Variants in SLC4A4 observed in about 807,000 individuals in gnomAD.
SLC4A4 encodes solute carrier family 4 member 4.
In SLC4A4, 27 loss-of-function variants were observed where a neutral mutation model predicts 111.5. The observed-to-expected ratio is 0.24, with a 90% CI of 0.18 to 0.33. The LOEUF (loss-of-function observed/expected upper bound fraction) is 0.33. Ranked by LOEUF, SLC4A4 falls within the 10% of genes least tolerant of loss-of-function variation. SLC4A4 has a pLI of 1.00. For missense variants in SLC4A4, 909 were observed against 1,315.5 expected (o/e 0.69, Z 4.78); for synonymous variants, 443 against 463.4 (o/e 0.96, Z 0.57).
At chr4:71,096,760 G>A (rs1315922195) in intron 2 of SLC4A4, among the ~76,000 whole-genome samples, 1 of 152,138 alleles carries the variant, frequency 6.6e-6, no homozygotes, top group Non-Finnish European at 1.5e-5. Context: ...AATGTTAAGT[G>A]TGGCTGAGAA....
chr4:71,447,383 T>A (rs568359153), intron 8 of SLC4A4, among the ~76,000 whole-genome samples: 2 of 152,352 alleles, frequency 1.3e-5, no homozygotes, highest in South Asian at 4.1e-4. Context: ...GCACTTGAAG[T>A]GCACCTTTCC....
At chr4:71,187,202 C>A (rs1745497070), upstream of SLC4A4, 1 of 152,048 alleles carries the variant, frequency 6.6e-6, no homozygotes, top group African/African-American at 2.4e-5. Context: ...GGCTCGGCCC[C>A]GCCGCGTCCC....
intron 7 of SLC4A4, among the ~76,000 whole-genome samples, chr4:71,416,741 C>T (rs190056899): frequency 6.6e-6 from 1 of 152,072 alleles, no homozygotes; most frequent in Non-Finnish European, 1.5e-5. Context: ...ATTATTGAAG[C>T]TCTTTGTGCC....
At chr4:71,522,414 G>A (rs1056011654) in intron 16 of SLC4A4, among the ~76,000 whole-genome samples, 6 of 152,204 alleles carry the variant, frequency 3.9e-5, no homozygotes, top group Non-Finnish European at 7.3e-5. Context: ...CTATGTGGTG[G>A]CAAATGAAAA....
chr4:71,088,315 G>T (rs1742257379), intron 1 of SLC4A4, among the ~76,000 whole-genome samples: 1 of 151,626 alleles, frequency 6.6e-6, no homozygotes, highest in Admixed American at 6.6e-5. Flanking sequence ...CCTGAGGTGG[G>T]TTTCCTGAAT....
chr4:71,093,369 T>C (rs1742441150), intron 2 of SLC4A4, among the ~76,000 whole-genome samples: 2 of 152,054 alleles, frequency 1.3e-5, no homozygotes, highest in Non-Finnish European at 2.9e-5. Context: ...GGTTTCACCA[T>C]GTTGGCCAGG....
Position 71,357,117 on chromosome 4 carries a change from C to T in SLC4A4, c.660C>T (p.Asn220=). Residue 220 remains asparagine (N), a synonymous_variant, in exon 6 of 26, where the codon AAC becomes AAT. Transcript: ENST00000264485. ...RKHRHQTKKS[N]LRSLADIGKT... Reference sequence around the variant, plus strand: ...ACCGGCATCAAACCAAGAAATCCAACCTTCGGTCCCTGGCTGACATTGGGA... The same window carrying T: ...ACCGGCATCAAACCAAGAAATCCAATCTTCGGTCCCTGGCTGACATTGGGA... 6.2e-7 allele frequency: 1 copy of T among 1,614,132 alleles called. No homozygotes were observed. Among genetic ancestry groups the T allele is most frequent in the Non-Finnish European group, 8.5e-7 (1 of 1,180,022 alleles).
At chr4:71,382,359 C>T (rs2148952478) in intron 6 of SLC4A4, among the ~76,000 whole-genome samples, 1 of 152,186 alleles carries the variant, frequency 6.6e-6, no homozygotes, top group East Asian at 1.9e-4. Context: ...CCAATGAGGG[C>T]CTTGTCATGA....
At chr4:71,266,682 T>C (rs1334285286) in intron 3 of SLC4A4, among the ~76,000 whole-genome samples, 2 of 152,176 alleles carry the variant, frequency 1.3e-5, no homozygotes, top group Admixed American at 6.5e-5. Flanking sequence ...TCTATTTGTA[T>C]GAACTGTAAG....
At chr4:71,434,233 G>C (rs1481793033) in intron 7 of SLC4A4, among the ~76,000 whole-genome samples, 1 of 151,976 alleles carries the variant, frequency 6.6e-6, no homozygotes, top group African/African-American at 2.4e-5. Context: ...TGATAAAGTT[G>C]AGTGGTTGAT....
At chr4:71,324,896 A>T (rs1727392478) in intron 3 of SLC4A4, among the ~76,000 whole-genome samples, 1 of 152,018 alleles carries the variant, frequency 6.6e-6, no homozygotes, top group Non-Finnish European at 1.5e-5. Context: ...GTTTGATAAT[A>T]TTATGAAACT....
At chr4:71,386,589 C>CT (rs201561485) in intron 6 of SLC4A4, among the ~76,000 whole-genome samples, 1,772 of 151,408 alleles carry the variant, frequency 0.012, 33 homozygotes, top group African/African-American at 0.038. Context: ...TTTTTCTTTT[C>CT]TTTTTTTTGG....
At chr4:71,148,569 C>T (rs1386198736) in intron 2 of SLC4A4, among the ~76,000 whole-genome samples, 1 of 152,110 alleles carries the variant, frequency 6.6e-6, no homozygotes, top group African/African-American at 2.4e-5. Flanking sequence ...CTCTGATAAG[C>T]TCCAGTGTGT....
intron 23 of SLC4A4, among the ~76,000 whole-genome samples, chr4:71,562,709 C>T (rs190236462): frequency 7.3e-4 from 111 of 151,794 alleles, no homozygotes; most frequent in Non-Finnish European, 1.2e-3. Context: ...ATCCAATTTG[C>T]CAGTCTGTGT....
intron 12 of SLC4A4, 82 bp downstream of exon 12, chr4:71,453,751 G>A (rs1203694749): frequency 2.3e-6 from 3 of 1,278,650 alleles, no homozygotes; most frequent in South Asian, 1.2e-5. Flanking sequence ...GAAGCAGATG[G>A]CCTTTCAGTT....
intron 3 of SLC4A4, among the ~76,000 whole-genome samples, chr4:71,321,316 T>C (rs1273662239): frequency 6.6e-6 from 1 of 152,048 alleles, no homozygotes; most frequent in Admixed American, 6.6e-5. Context: ...TTAGCATATC[T>C]CTGTTGGTCA....
chr4:71,386,987 C>A (rs892318548), intron 6 of SLC4A4, among the ~76,000 whole-genome samples: 1 of 152,146 alleles, frequency 6.6e-6, no homozygotes, highest in Admixed American at 6.5e-5. Context: ...GCTAATTGCC[C>A]TGGTCTTTTC....
rs59067681 is a variant in SLC4A4 at position 71,263,147 on chromosome 4, TTAAAG to T, written c.253+7752_253+7756del. On this transcript the variant is annotated intron_variant, in intron 3 of 25. Coordinates refer to ENST00000264485, the MANE Select transcript of SLC4A4 (RefSeq NM_001098484.3). ...CAATCCTTCTATTGCTCATCATTAC[TTAAAG>T]TAATGAGTAAAGCAACAATGTAACA... Among the ~76,000 whole-genome samples, 1,410 of 152,144 alleles carry T rather than the reference TTAAAG, an allele frequency of 9.3e-3. 19 individuals carry two copies. The highest frequency in any genetic ancestry group is 0.068 in the East Asian group (349 of 5,164).
intron 3 of SLC4A4, among the ~76,000 whole-genome samples, chr4:71,321,672 AG>A (rs1290479505): frequency 1.3e-5 from 2 of 151,942 alleles, no homozygotes; most frequent in East Asian, 3.9e-4. Context: ...CACAAAGCAG[AG>A]GGGCAAAGAA....
Sources: gnomAD v4.1 joint callset for allele counts (sites outside exome capture counted in the v4.1 genomes callset) on GRCh38, gnomAD v4.1.1 for gene constraint, MANE v1.5 for transcripts, NCBI Gene and HGNC (gene_info 2026-07-23, HGNC 2026-07-21) for gene names.